The following XPO4 variants were observed in gnomAD, a reference collection of about 807,000 sequenced individuals.
XPO4 encodes the protein exportin 4, also known as exportin-4.
Under a neutral mutation model 143.0 loss-of-function variants are expected in XPO4, and 39 were observed. That is an observed-to-expected ratio of 0.27 (90% CI 0.21 to 0.36). The LOEUF (loss-of-function observed/expected upper bound fraction) is 0.36. Ranked by LOEUF, XPO4 falls within the 10% of genes least tolerant of loss-of-function variation. The probability of loss-of-function intolerance (pLI) is 1.00; values close to 1 mark genes in which losing one functional copy is unlikely to be tolerated. For missense variants in XPO4, 907 were observed against 1,348.0 expected (o/e 0.67, Z 5.12); for synonymous variants, 439 against 474.0 (o/e 0.93, Z 0.96).
intron 20 of XPO4, among the ~76,000 whole-genome samples, chr13:20,788,117 G>A (rs907626285): frequency 3.3e-5 from 5 of 150,440 alleles, no homozygotes; most frequent in African/African-American, 9.8e-5. Flanking sequence ...GTGCAATGGC[G>A]CAATCTCGGC....
chr13:20,837,337 A>G (rs2138038509), intron 6 of XPO4, among the ~76,000 whole-genome samples: 1 of 152,320 alleles, frequency 6.6e-6, no homozygotes, highest in Admixed American at 6.5e-5. Context: ...TGTCCCAAGT[A>G]TACAAAATTG....
chr13:20,828,588 GA>G (rs2137996352), intron 6 of XPO4, among the ~76,000 whole-genome samples: 1 of 152,220 alleles, frequency 6.6e-6, no homozygotes, highest in East Asian at 1.9e-4. Flanking sequence ...GTTTCAAGGA[GA>G]AAAATCACTG....
intron 1 of XPO4, among the ~76,000 whole-genome samples, chr13:20,894,579 G>A (rs1275778695): frequency 6.6e-6 from 1 of 152,012 alleles, no homozygotes; most frequent in Non-Finnish European, 1.5e-5. Flanking sequence ...GGTGGCTCAC[G>A]TCTATAATCC....
intron 6 of XPO4, among the ~76,000 whole-genome samples, chr13:20,836,720 A>G (rs909800003): frequency 5.3e-5 from 8 of 152,206 alleles, no homozygotes; most frequent in Admixed American, 4.6e-4. Context: ...GTACAGCTCA[A>G]TGGTTTTAGC....
intron 1 of XPO4, among the ~76,000 whole-genome samples, chr13:20,886,072 G>GA (rs1269612214): frequency 3.9e-5 from 6 of 152,138 alleles, no homozygotes; most frequent in African/African-American, 1.2e-4. Flanking sequence ...AGTATCTAAT[G>GA]AATTTGATTT....
chr13:20,825,379 A>T (rs1267262113), intron 7 of XPO4, among the ~76,000 whole-genome samples: 1 of 152,234 alleles, frequency 6.6e-6, no homozygotes, highest in African/African-American at 2.4e-5. Context: ...ATATAACTAA[A>T]ACTAAATTTA....
chr13:20,788,764 T>C, intron 19 of XPO4, 148 bp from the exon 20 acceptor site: 1 of 777,518 alleles, frequency 1.3e-6, no homozygotes, highest in South Asian at 2.6e-5. Flanking sequence ...GAAGACCAAA[T>C]TAAATGTAAA....
intron 7 of XPO4, among the ~76,000 whole-genome samples, chr13:20,824,080 A>C (rs966151926): frequency 6.6e-6 from 1 of 152,276 alleles, no homozygotes; most frequent in African/African-American, 2.4e-5. Flanking sequence ...TGCAAAGCCT[A>C]AAGTGTTTAC....
intron 9 of XPO4, among the ~76,000 whole-genome samples, chr13:20,815,085 G>A (rs1316518239): frequency 2.6e-5 from 4 of 152,102 alleles, no homozygotes; most frequent in Non-Finnish European, 5.9e-5. Flanking sequence ...AACACTACAC[G>A]ATTCCAACTA....
intron 6 of XPO4, among the ~76,000 whole-genome samples, chr13:20,839,154 C>A (rs1263302326): frequency 6.6e-6 from 1 of 152,122 alleles, no homozygotes; most frequent in Non-Finnish European, 1.5e-5. Context: ...GTCCCAGCTA[C>A]TCAGGAGGCT....
chr13:20,783,630 T>G lies in XPO4; in HGVS notation c.*92A>C. 1.4e-6 allele frequency: 2 copies of G among 1,403,204 alleles called. No individual in the cohort carries two copies. The highest frequency in any genetic ancestry group is 2.0e-6 in the Non-Finnish European group (2 of 1,001,274). The allele number at this position is 1,403,204 out of a possible 1,614,324, so 86.9% of individuals were successfully genotyped here. On this transcript the variant is annotated 3_prime_UTR_variant, in exon 23 of 23. Transcript: ENST00000255305. ...CTCTCCAAAATCCAAAATGGCCAAATGAACTGAGGAATAGGACAAGACTCA... is the reference window on the plus strand; with the variant it reads ...CTCTCCAAAATCCAAAATGGCCAAAGGAACTGAGGAATAGGACAAGACTCA...
intron 6 of XPO4, 25 bp from the exon 7 acceptor site, chr13:20,827,204 CAA>C: frequency 6.7e-7 from 1 of 1,485,974 alleles, no homozygotes; most frequent in Non-Finnish European, 9.4e-7. Context: ...AGGTCAACAA[CAA>C]TAACATTCTT....
chr13:20,900,116 G>A (rs1272616549), intron 1 of XPO4, among the ~76,000 whole-genome samples: 1 of 152,226 alleles, frequency 6.6e-6, no homozygotes, highest in Admixed American at 6.5e-5. Context: ...GCCAGGTGCA[G>A]TGGCTCACGC....
In XPO4 at chr13:20,797,071, C is replaced by T. The variant is rs1400474696; in HGVS notation, c.2323-14G>A. Reference sequence around the variant, plus strand: ...TGGCTGAAGAACCTATAAAAATAAACCAGGAATTTTCTTAAAGCTCAGTTC... The same window carrying T: ...TGGCTGAAGAACCTATAAAAATAAATCAGGAATTTTCTTAAAGCTCAGTTC... On this transcript the variant is annotated splice_polypyrimidine_tract_variant and intron_variant, in intron 16 of 22. Transcript: ENST00000255305. The T allele has an allele frequency of 2.6e-6, 4 of 1,553,024 alleles. No individual in the cohort carries two copies. Among genetic ancestry groups the T allele is most frequent in the Non-Finnish European group, 3.5e-6 (4 of 1,152,742 alleles).
At chr13:20,860,001 G>T in intron 3 of XPO4, 1 of 217,880 alleles carries the variant, frequency 4.6e-6, no homozygotes, top group Non-Finnish European at 7.8e-6. Context: ...CGCTCTAGTT[G>T]ACCTGAAGCT....
rs575131823 is a variant in XPO4 at position 20,844,019 on chromosome 13, C to G, written c.457-133G>C. The stretch of plus-strand genomic sequence containing the variant: ...TCCACTGTATCTTTAGATCTTATAA[C>G]AACTAGTCAGAAAATCAGATATGAC... On this transcript the variant is annotated intron_variant, in intron 4 of 22. Coordinates refer to ENST00000255305, the MANE Select transcript of XPO4 (RefSeq NM_022459.5). 4.4e-5 allele frequency: 30 copies of G among 680,534 alleles called. No homozygotes were observed. The African/African-American group carries it at 5.4e-4, about 12-fold the overall frequency. The allele number at this position is 680,534 out of a possible 1,614,324, so 42.2% of individuals were successfully genotyped here. A position where few individuals can be genotyped will look rare whatever the true frequency, so the allele number is the denominator to read the frequency against.
intron 1 of XPO4, among the ~76,000 whole-genome samples, chr13:20,870,607 G>A (rs924708644): frequency 1.3e-5 from 2 of 151,710 alleles, no homozygotes; most frequent in Non-Finnish European, 2.9e-5. Context: ...GCAGGAGCCT[G>A]TAATCCCAGC....
In XPO4 at chr13:20,800,319, G is replaced by C. The variant is rs1279292330; in HGVS notation, c.1984C>G (p.Leu662Val). 1.2e-6 allele frequency: 2 copies of C among 1,610,796 alleles called. No individual in the cohort carries two copies. The change falls in exon 15 of 23, where the codon CTG (leucine) becomes GTG (valine). Residue 662 changes from leucine (L) to valine (V), a missense_variant. By Grantham distance (32) the Leu-to-Val change is conservative. Transcript: ENST00000255305. Reference sequence around the variant, plus strand: ...GCTCCGAACGCTGTACTGAATGGCAGACTTATCTTAAGAGAGGAAACAAAT... The same window carrying C: ...GCTCCGAACGCTGTACTGAATGGCACACTTATCTTAAGAGAGGAAACAAAT... ...VDEKLYDQIS[L>V]PFSTAFGADT...
At chr13:20,850,555 A>T (rs2060074514) in intron 4 of XPO4, among the ~76,000 whole-genome samples, 1 of 152,164 alleles carries the variant, frequency 6.6e-6, no homozygotes, top group African/African-American at 2.4e-5. Context: ...CCTTGAGGTC[A>T]GGAGCTCAAG....
Sources: gnomAD v4.1 joint callset for allele counts (sites outside exome capture counted in the v4.1 genomes callset) on GRCh38, gnomAD v4.1.1 for gene constraint, MANE v1.5 for transcripts, NCBI Gene and HGNC (gene_info 2026-07-23, HGNC 2026-07-21) for gene names.